Variants in DENND4C observed in about 807,000 individuals in gnomAD.
The protein encoded by DENND4C is DENN domain containing 4C.
A neutral mutation model predicts 203.0 loss-of-function variants in DENND4C; 108 were observed. The observed-to-expected ratio is 0.53, with a 90% confidence interval of 0.46 to 0.62. DENND4C has a LOEUF of 0.62. Ranked by LOEUF, DENND4C falls within the 20% of genes least tolerant of loss-of-function variation. DENND4C has a pLI of 0.00. For synonymous variants in DENND4C, 871 were observed against 792.4 expected, an observed-to-expected ratio of 1.10 and a Z score of -1.67; for missense variants, 2,481 against 2,301.2, an observed-to-expected ratio of 1.08 and a Z score of -1.60.
chr9:19,326,450 A>G (rs1157945362), intron 15 of DENND4C, among the ~76,000 whole-genome samples: 1 of 152,122 alleles, frequency 6.6e-6, no homozygotes, highest in East Asian at 1.9e-4. Context: ...AAGAAGAAAA[A>G]TGATACTTTT....
At chr9:19,296,704 A>T (rs72698401) in intron 6 of DENND4C, among the ~76,000 whole-genome samples, 80 of 152,300 alleles carry the variant, frequency 5.3e-4, no homozygotes, top group South Asian at 8.3e-4. Flanking sequence ...ATTGGATAGT[A>T]GTGGTAAGGT....
intron 1 of DENND4C, among the ~76,000 whole-genome samples, chr9:19,267,727 C>T (rs1029975682): frequency 6.6e-6 from 1 of 151,834 alleles, no homozygotes; most frequent in African/African-American, 2.4e-5. Flanking sequence ...TTTATGGAGA[C>T]AGGGTCTCAC....
At chr9:19,264,651 A>T (rs534144625) in intron 1 of DENND4C, among the ~76,000 whole-genome samples, 1 of 152,098 alleles carries the variant, frequency 6.6e-6, no homozygotes, top group Non-Finnish European at 1.5e-5. Context: ...ATTGCTTGTA[A>T]TGTCTCATCT....
chr9:19,254,508 G>C (rs1384593667), intron 1 of DENND4C, among the ~76,000 whole-genome samples: 2 of 152,180 alleles, frequency 1.3e-5, no homozygotes, highest in African/African-American at 4.8e-5. Flanking sequence ...ATATTGTATA[G>C]TCTCATTAAT....
intron 20 of DENND4C, chr9:19,337,487 A>G: frequency 2.4e-6 from 1 of 412,200 alleles, no homozygotes; most frequent in South Asian, 4.1e-5. Context: ...TCATCTGATG[A>G]ACTTGTCTCA....
intron 1 of DENND4C, among the ~76,000 whole-genome samples, chr9:19,247,404 T>A (rs2131555888): frequency 6.6e-6 from 1 of 152,306 alleles, no homozygotes; most frequent in Non-Finnish European, 1.5e-5. Context: ...GGACTGCTTT[T>A]TCGTTTTTCA....
rs376437123 is a variant in DENND4C at position 19,336,254 on chromosome 9, C to G, written c.2590-16C>G. The G allele has an allele frequency of 8.7e-6, 14 of 1,602,446 alleles. No individual in the cohort carries two copies. In the African/African-American group the frequency reaches 1.8e-4, roughly 20 times the overall value. ...ATTGCTAATGAACATTATTTTTACC[C>G]TTATTTTACCTTTAGGTAGTCTTGG... On this transcript the variant is annotated splice_polypyrimidine_tract_variant and intron_variant, in intron 18 of 32. Coordinates refer to ENST00000434457, the MANE Select transcript of DENND4C (RefSeq NM_001330640.2).
Position 19,316,704 on chromosome 9 carries a change from C to CCT in DENND4C, c.1672_1673insCT (p.Leu558ProfsTer18). On this transcript the variant is annotated frameshift_variant, in exon 12 of 33. Transcript: ENST00000434457. LOFTEE classifies it high-confidence loss of function. ...CTCCTGGCAAAAGAAGATGACACAG[C>CCT]TTGAGATGGAAATTCAAGAGGCATT... 1 of 1,614,036 alleles carries CCT rather than the reference C, an allele frequency of 6.2e-7. No individual in the cohort carries two copies. The highest frequency in any genetic ancestry group is 8.5e-7 in the Non-Finnish European group (1 of 1,179,982).
chr9:19,346,908 G>T lies in DENND4C; in HGVS notation c.4139G>T (p.Arg1380Leu). The T allele has an allele frequency of 6.2e-7, 1 of 1,614,220 alleles. No individual in the cohort carries two copies. The highest frequency in any genetic ancestry group is 8.5e-7 in the Non-Finnish European group (1 of 1,180,042). ...ERSTSLSALV[R>L]SSPHGSLGSV... ...TCAACTTCTTTGTCAGCACTGGTGC[G>T]TTCTTCGCCACATGGCTCGTTGGGT... Residue 1380 changes from arginine to leucine, a missense_variant, in exon 23 of 33, where the codon CGT becomes CTT. Coordinates refer to ENST00000434457, the MANE Select transcript of DENND4C (RefSeq NM_001330640.2).
At chr9:19,269,696 A>G (rs1396457115) in intron 1 of DENND4C, among the ~76,000 whole-genome samples, 2 of 152,152 alleles carry the variant, frequency 1.3e-5, no homozygotes, top group Admixed American at 6.6e-5. Flanking sequence ...TAAAACAGCT[A>G]TTTTGACTTT....
At chr9:19,317,700 A>G (rs2131574529) in intron 12 of DENND4C, among the ~76,000 whole-genome samples, 1 of 152,348 alleles carries the variant, frequency 6.6e-6, no homozygotes, top group South Asian at 2.1e-4. Context: ...AAAGAAGTAT[A>G]AAACCTAGCT....
intron 12 of DENND4C, among the ~76,000 whole-genome samples, chr9:19,319,637 C>T (rs560853196): frequency 1.3e-5 from 2 of 151,400 alleles, no homozygotes; most frequent in Admixed American, 6.6e-5. Flanking sequence ...ATGGATTGTA[C>T]GGAAGTGACA....
chr9:19,318,177 G>C (rs1338050325), intron 12 of DENND4C, among the ~76,000 whole-genome samples: 4 of 152,086 alleles, frequency 2.6e-5, no homozygotes, highest in Non-Finnish European at 4.4e-5. Flanking sequence ...AAATTAGCCA[G>C]GTGTGGTGGT....
intron 16 of DENND4C, 48 bp from the exon 17 acceptor site, chr9:19,331,930 A>T: frequency 6.6e-7 from 1 of 1,506,272 alleles, no homozygotes; most frequent in Non-Finnish European, 9.0e-7. Context: ...TTCTCCCCTC[A>T]CCCTAATGAA....
rs371510002 is a variant in DENND4C at position 19,316,559 on chromosome 9, T to G, written c.1588+42T>G. ...GGAATATTATTAATGAAGGAATGTA[T>G]ACGAGAAAATTCTTCTTAAATTTAA... On this transcript the variant is annotated intron_variant, in intron 11 of 32. Transcript: ENST00000434457. 4,555 of 1,599,698 alleles carry G rather than the reference T, an allele frequency of 2.8e-3. 136 individuals carry two copies. The South Asian group carries it at 0.048, about 17-fold the overall frequency.
chr9:19,257,852 G>C (rs1023684640), intron 1 of DENND4C, among the ~76,000 whole-genome samples: 1 of 152,128 alleles, frequency 6.6e-6, no homozygotes, highest in African/African-American at 2.4e-5. Context: ...AATAGGGGCT[G>C]GGCAAGGTGG....
intron 3 of DENND4C, among the ~76,000 whole-genome samples, 154 bp downstream of exon 3, chr9:19,287,175 A>G (rs1835361572): frequency 6.6e-6 from 1 of 152,150 alleles, no homozygotes; most frequent in Non-Finnish European, 1.5e-5. Flanking sequence ...AATAATTTTT[A>G]AAGTCCTATC....
At chr9:19,254,950 T>C (rs1371372234) in intron 1 of DENND4C, among the ~76,000 whole-genome samples, 4 of 151,992 alleles carry the variant, frequency 2.6e-5, no homozygotes, top group Non-Finnish European at 4.4e-5. Context: ...CTGGCCAATA[T>C]GGTGAAACCC....
chr9:19,361,095 C>T (rs1278696412), intron 29 of DENND4C, among the ~76,000 whole-genome samples: 1 of 152,042 alleles, frequency 6.6e-6, no homozygotes, highest in Non-Finnish European at 1.5e-5. Flanking sequence ...AATTCCTGAC[C>T]TAAGGCAATC....
Sources: gnomAD v4.1 joint callset for allele counts (sites outside exome capture counted in the v4.1 genomes callset) on GRCh38, gnomAD v4.1.1 for gene constraint, MANE v1.5 for transcripts, NCBI Gene and HGNC (gene_info 2026-07-23, HGNC 2026-07-21) for gene names.